The following CLASP2 variants were observed in gnomAD, a reference collection of about 807,000 sequenced individuals.
The protein encoded by CLASP2 is CLIP-associating protein 2.
CLASP2 carries 47 observed loss-of-function variants against 194.4 expected under a neutral mutation model. The ratio of observed to expected loss-of-function variants is 0.24; its 90% CI spans 0.19 to 0.31. The LOEUF is 0.31. CLASP2 is among the 10% of genes least tolerant of loss of function. The pLI, the probability that CLASP2 is intolerant of heterozygous loss-of-function variation, is 1.00. For missense variants in CLASP2, 1,445 were observed against 1,823.6 expected, an observed-to-expected ratio of 0.79 and a Z score of 3.78; for synonymous variants, 619 against 633.5, an observed-to-expected ratio of 0.98 and a Z score of 0.34.
At chr3:33,586,702 A>G (rs866704125) in intron 21 of CLASP2, among the ~76,000 whole-genome samples, 39 of 152,314 alleles carry the variant, frequency 2.6e-4, no homozygotes, top group African/African-American at 8.4e-4. Context: ...CAGAAAAACT[A>G]AAGTTGCAAT....
At chr3:33,645,482 C>G (rs2154311070) in intron 7 of CLASP2, 1 of 608,718 alleles carries the variant, frequency 1.6e-6, no homozygotes, top group Non-Finnish European at 2.9e-6. Context: ...CTTCCCTGCC[C>G]TAGGTGCTGT....
chr3:33,524,318 T>C lies in CLASP2; in HGVS notation c.3788-7144A>G, dbSNP rs9811096. 8.5e-3 allele frequency among the ~76,000 whole-genome samples: 1,297 copies of C among 152,174 alleles called. 20 individuals carry two copies. Among genetic ancestry groups the C allele is most frequent in the African/African-American group, 0.029 (1,207 of 41,494 alleles). ...TAGTAATAGGTATATCAATAAGTAA[T>C]AGTCAGAGAGCAGGGGTGGCTATAC... On this transcript the variant is annotated intron_variant, in intron 34 of 38. Transcript: ENST00000682230.
Position 33,695,396 on chromosome 3 carries a change from T to TA in CLASP2, c.274+1458dup, listed in dbSNP as rs201224698. Among the ~76,000 whole-genome samples, 168 of 145,002 alleles carry TA rather than the reference T, an allele frequency of 1.2e-3. No individual in the cohort carries two copies. In the East Asian group the frequency reaches 0.025, roughly 22 times the overall value. ...GAGTTGTAAGGGGAGACTAACAGCT[T>TA]AAAAAAAAAAATCTTTTCAGAAAAT... On this transcript the variant is annotated intron_variant, in intron 2 of 38. Coordinates refer to ENST00000682230, the MANE Select transcript of CLASP2 (RefSeq NM_001365631.1).
At chr3:33,665,723 T>C (rs1203107309) in intron 6 of CLASP2, among the ~76,000 whole-genome samples, 1 of 152,220 alleles carries the variant, frequency 6.6e-6, no homozygotes, top group Admixed American at 6.5e-5. Context: ...CAGTATAATT[T>C]TCTACGTGGC....
intron 30 of CLASP2, 91 bp downstream of exon 30, chr3:33,551,161 G>A: frequency 2.7e-6 from 3 of 1,115,570 alleles, no homozygotes; most frequent in Non-Finnish European, 3.8e-6. Context: ...TAATTGCTAA[G>A]GTCCTGAAAA....
intron 7 of CLASP2, among the ~76,000 whole-genome samples, chr3:33,656,013 T>G (rs2084136893): frequency 6.6e-6 from 1 of 152,172 alleles, no homozygotes; most frequent in South Asian, 2.1e-4. Context: ...CAGCACCACA[T>G]AATAATCCTA....
intron 7 of CLASP2, among the ~76,000 whole-genome samples, chr3:33,652,070 T>C (rs1248690675): frequency 6.6e-6 from 1 of 150,818 alleles, no homozygotes; most frequent in Non-Finnish European, 1.5e-5. Flanking sequence ...CCAAAATTTA[T>C]ACCACATCTC....
chr3:33,671,673 A>G (rs983598775), intron 6 of CLASP2, among the ~76,000 whole-genome samples: 1 of 152,208 alleles, frequency 6.6e-6, no homozygotes, highest in Non-Finnish European at 1.5e-5. Flanking sequence ...GGGGTCAGGG[A>G]GTTCCCTTTC....
intron 6 of CLASP2, among the ~76,000 whole-genome samples, chr3:33,672,405 G>A (rs376040737): frequency 7.9e-5 from 12 of 152,078 alleles, no homozygotes; most frequent in African/African-American, 1.9e-4. Context: ...GAAGGAAAAC[G>A]AACAAACAGA....
At chr3:33,521,994 C>G (rs1039792382) in intron 34 of CLASP2, among the ~76,000 whole-genome samples, 7 of 151,808 alleles carry the variant, frequency 4.6e-5, no homozygotes, top group African/African-American at 1.7e-4. Flanking sequence ...CCTGCGGATA[C>G]TGAGGACCTG....
intron 21 of CLASP2, among the ~76,000 whole-genome samples, chr3:33,585,494 C>G (rs1156725565): frequency 2.0e-5 from 3 of 152,136 alleles, no homozygotes; most frequent in Non-Finnish European, 2.9e-5. Context: ...CTGTAGGCAA[C>G]TGTAACACAA....
intron 30 of CLASP2, 158 bp from the exon 31 acceptor site, chr3:33,544,999 G>T: frequency 2.1e-6 from 1 of 465,480 alleles, no homozygotes; most frequent in Non-Finnish European, 3.5e-6. Flanking sequence ...TTGCTGGAAG[G>T]ATAAAAAAAA....
intron 34 of CLASP2, among the ~76,000 whole-genome samples, chr3:33,527,209 T>C (rs1227881870): frequency 1.3e-5 from 2 of 151,588 alleles, no homozygotes; most frequent in African/African-American, 4.9e-5. Context: ...ATTAATAAAA[T>C]AGATAGGCCA....
In CLASP2 at chr3:33,517,063, G is replaced by A. The variant is rs2051530170; in HGVS notation, c.3899C>T (p.Thr1300Ile). The change falls in exon 35 of 39, where the codon ACA becomes ATA. Residue 1300 changes from threonine to isoleucine, a missense_variant. Physicochemically the swap from Thr to Ile is moderately conservative, Grantham distance 89. Around this residue, in one of 4 missense-constraint regions of CLASP2, gnomAD observed 732 missense variants for 987.9 expected, o/e 0.74. Coordinates refer to ENST00000682230, the MANE Select transcript of CLASP2 (RefSeq NM_001365631.1). ...CCAAACACTAAAAGATTCTTCCTGT[G>A]TCAGTTTCATAAGTTCATAGAGGGC... ...KIALYELMKL[T>I]QEESFSVWDE... The A allele has an allele frequency of 6.2e-7, 1 of 1,613,594 alleles. No homozygotes were observed. Among genetic ancestry groups the A allele is most frequent in the Non-Finnish European group, 8.5e-7 (1 of 1,179,708 alleles).
chr3:33,679,028 G>T (rs1336995191), intron 6 of CLASP2, among the ~76,000 whole-genome samples: 1 of 152,176 alleles, frequency 6.6e-6, no homozygotes, highest in East Asian at 1.9e-4. Context: ...ACTACGGGCA[G>T]TGTAGTATTA....
chr3:33,632,226 G>T (rs2079219314), intron 9 of CLASP2, 66 bp downstream of exon 9: 4 of 995,326 alleles, frequency 4.0e-6, no homozygotes, highest in South Asian at 4.1e-5. Context: ...AAAAGGGACA[G>T]AGACAAATAA....
Position 33,496,824 on chromosome 3 carries a change from C to G in CLASP2, c.*1807G>C, listed in dbSNP as rs2045848512. 6.6e-6 allele frequency: 1 copy of G among 152,152 alleles called. No homozygotes were observed. Among genetic ancestry groups the G allele is most frequent in the Non-Finnish European group, 1.5e-5 (1 of 67,992 alleles). 9.4% of individuals were successfully genotyped at this position (152,152 alleles called of 1,614,324 possible). On this transcript the variant is annotated 3_prime_UTR_variant, in exon 39 of 39. Coordinates refer to ENST00000682230, the MANE Select transcript of CLASP2 (RefSeq NM_001365631.1). ...ACAGATAAGCTGTAATATATACATG[C>G]GTATGTAGCTATATACCTTTGATTG... is the stretch of plus-strand genomic sequence containing the variant.
intron 19 of CLASP2, among the ~76,000 whole-genome samples, chr3:33,596,277 C>T (rs796180531): frequency 3.9e-5 from 6 of 152,196 alleles, no homozygotes; most frequent in African/African-American, 1.4e-4. Flanking sequence ...GCCTCTGTAA[C>T]TTGCATTTCA....
At position 33,594,977 on chromosome 3, in the gene CLASP2, G is replaced by A. The variant is rs189919699; in HGVS notation, c.1949-9C>T. ...ATCTTCAGATGCTGTTCCTAAATAAGAAAAATAAAACAACATTTCAACAAA... is the reference window on the plus strand; with the variant it reads ...ATCTTCAGATGCTGTTCCTAAATAAAAAAAATAAAACAACATTTCAACAAA... On this transcript the variant is annotated splice_polypyrimidine_tract_variant and intron_variant, in intron 19 of 38. Transcript: ENST00000682230. 2,093 of 1,430,418 alleles carry A rather than the reference G, an allele frequency of 1.5e-3. 61 individuals are homozygous for A. In the Admixed American group the frequency reaches 0.046, roughly 32 times the overall value. The allele number at this position is 1,430,418 out of a possible 1,614,324, so 88.6% of individuals were successfully genotyped here. A position where few individuals can be genotyped will look rare whatever the true frequency, so the allele number is the denominator to read the frequency against.
Sources: gnomAD v4.1 joint callset for allele counts (sites outside exome capture counted in the v4.1 genomes callset) on GRCh38, gnomAD v4.1.1 for gene constraint, gnomAD v4.1.1 regional missense constraint, MANE v1.5 for transcripts, NCBI Gene and HGNC (gene_info 2026-07-23, HGNC 2026-07-21) for gene names.